The following SLC22A23 variants were observed in gnomAD, a reference collection of about 807,000 sequenced individuals.
The protein encoded by SLC22A23 is solute carrier family 22 member 23.
A neutral mutation model predicts 61.0 loss-of-function variants in SLC22A23; 26 were observed. The observed-to-expected ratio is 0.43, with a 90% CI of 0.31 to 0.59. SLC22A23 has a LOEUF of 0.59. Ranked by LOEUF, SLC22A23 falls within the 20% of genes least tolerant of loss-of-function variation. The probability of loss-of-function intolerance (pLI) is 0.11; values close to 1 mark genes in which losing one functional copy is unlikely to be tolerated. For synonymous variants in SLC22A23, 430 were observed against 413.9 expected, an observed-to-expected ratio of 1.04 and a Z score of -0.47; for missense variants, 796 against 934.7, an observed-to-expected ratio of 0.85 and a Z score of 1.94.
At chr6:3,374,651 G>A (rs1240130506) in intron 3 of SLC22A23, among the ~76,000 whole-genome samples, 1 of 152,174 alleles carries the variant, frequency 6.6e-6, no homozygotes, top group African/African-American at 2.4e-5. Flanking sequence ...TGAAAGTGAG[G>A]ATTTGGGAAG....
At chr6:3,420,925 T>C (rs1770085599) in intron 1 of SLC22A23, among the ~76,000 whole-genome samples, 1 of 151,788 alleles carries the variant, frequency 6.6e-6, no homozygotes, top group Non-Finnish European at 1.5e-5. Flanking sequence ...GCCAATATGG[T>C]GAAATCCTGT....
intron 3 of SLC22A23, among the ~76,000 whole-genome samples, chr6:3,359,708 C>T (rs577161057): frequency 2.2e-4 from 33 of 152,224 alleles, no homozygotes; most frequent in African/African-American, 7.7e-4. Context: ...GGTATAACCC[C>T]CCAAAAGTGA....
rs1377065697 is a variant in SLC22A23 at position 3,301,327 on chromosome 6, TATTATC to T, written c.1083-3115_1083-3110del. Among the ~76,000 whole-genome samples the T allele has an allele frequency of 7.9e-5, 12 of 152,282 alleles. No individual in the cohort carries two copies. The South Asian group carries it at 2.1e-3, about 26-fold the overall frequency. On this transcript the variant is annotated intron_variant, in intron 4 of 9. Coordinates refer to ENST00000406686, the MANE Select transcript of SLC22A23 (RefSeq NM_015482.2). ...CTTAAGACTTCAAAATTCATCTAGA[TATTATC>T]ATTTGAGATACATTTGTGATTTGAT...
chr6:3,358,425 C>T (rs60151720), intron 3 of SLC22A23, among the ~76,000 whole-genome samples: 3,939 of 152,162 alleles, frequency 0.026, 171 homozygotes, highest in African/African-American at 0.09. Context: ...ACGTACGACA[C>T]GTGGATGAAC....
chr6:3,392,386 G>T (rs891311080), intron 3 of SLC22A23, among the ~76,000 whole-genome samples: 36 of 152,206 alleles, frequency 2.4e-4, no homozygotes, highest in African/African-American at 8.7e-4. Context: ...TGTTGTTCTG[G>T]TTTTAAGTGC....
At chr6:3,398,697 C>T (rs1287958382) in intron 3 of SLC22A23, among the ~76,000 whole-genome samples, 1 of 151,842 alleles carries the variant, frequency 6.6e-6, no homozygotes, top group Non-Finnish European at 1.5e-5. Context: ...CCTCAGGCTC[C>T]TTGACGTTGG....
chr6:3,329,439 G>C lies in SLC22A23; in HGVS notation c.914-5437C>G, dbSNP rs1173991999. Among the ~76,000 whole-genome samples the C allele has an allele frequency of 4.6e-5, 7 of 152,202 alleles. No homozygotes were observed. The highest frequency in any genetic ancestry group is 8.8e-5 in the Non-Finnish European group (6 of 68,038). On this transcript the variant is annotated intron_variant, in intron 3 of 9. Transcript: ENST00000406686. This position sits in a 1 kb window ranked among gnomAD's most constrained non-coding sequence, Gnocchi z 4.8. ...GAGAGTACAGGATTTTTCTGGACTG[G>C]AGTTGGCAAGTAACAAAGGAATATA...
At chr6:3,300,440 G>A (rs1178641697) in intron 4 of SLC22A23, among the ~76,000 whole-genome samples, 4 of 152,152 alleles carry the variant, frequency 2.6e-5, no homozygotes, top group Non-Finnish European at 5.9e-5. Flanking sequence ...CTTTAGGGGT[G>A]ATTAAGTCAT....
intron 9 of SLC22A23, among the ~76,000 whole-genome samples, chr6:3,275,383 A>C (rs1758798388): frequency 6.6e-6 from 1 of 152,216 alleles, no homozygotes; most frequent in Non-Finnish European, 1.5e-5. Flanking sequence ...AAACAAGAGA[A>C]AAGCTTTATG....
At chr6:3,340,212 G>A (rs145236227) in intron 3 of SLC22A23, among the ~76,000 whole-genome samples, 1 of 152,258 alleles carries the variant, frequency 6.6e-6, no homozygotes, top group East Asian at 1.9e-4. Context: ...CCAGCTATAC[G>A]AATGACATTG....
intron 1 of SLC22A23, among the ~76,000 whole-genome samples, chr6:3,438,838 A>T (rs1771394886): frequency 6.6e-6 from 1 of 152,216 alleles, no homozygotes; most frequent in South Asian, 2.1e-4. Flanking sequence ...TAACGAGCTC[A>T]GCAAACCCTT....
At chr6:3,277,907 T>C (rs1180039638) in intron 9 of SLC22A23, among the ~76,000 whole-genome samples, 2 of 152,266 alleles carry the variant, frequency 1.3e-5, no homozygotes, top group African/African-American at 4.8e-5. Context: ...TAGCAGACTC[T>C]TGCTAGCTTT....
rs149279922 is a variant in SLC22A23 at position 3,337,544 on chromosome 6, G to A, written c.914-13542C>T. 4.4e-3 allele frequency among the ~76,000 whole-genome samples: 671 copies of A among 151,104 alleles called. 5 individuals carry two copies. The highest frequency in any genetic ancestry group is 0.016 in the African/African-American group (637 of 41,072). ...AACTAATTCATTGACTCCCATAAAC[G>A]CAGTTAGCAAAAGGAAGAGCTAGAT... On this transcript the variant is annotated intron_variant, in intron 3 of 9. Coordinates refer to ENST00000406686, the MANE Select transcript of SLC22A23 (RefSeq NM_015482.2).
intron 9 of SLC22A23, among the ~76,000 whole-genome samples, chr6:3,278,861 C>T (rs920236479): frequency 9.2e-5 from 14 of 152,246 alleles, no homozygotes; most frequent in East Asian, 3.9e-4. Context: ...CTGACCTTCC[C>T]GGCACTAAAT....
In SLC22A23 at chr6:3,317,509, T is replaced by C. The variant is rs1249898091; in HGVS notation, c.1082+6325A>G. ...TTCTTGTGGTTTGGATCTTGCATCT[T>C]CCCCGCCAACCCCTCGTTGTTGGCT... On this transcript the variant is annotated intron_variant, in intron 4 of 9. Coordinates refer to ENST00000406686, the MANE Select transcript of SLC22A23 (RefSeq NM_015482.2). This position sits in a 1 kb window ranked among gnomAD's most constrained non-coding sequence, Gnocchi z 4.4. Among the ~76,000 whole-genome samples the C allele has an allele frequency of 6.6e-6, 1 of 152,156 alleles. No individual in the cohort carries two copies.
rs147139782 is a variant in SLC22A23 at position 3,400,354 on chromosome 6, C to T, written c.913+9834G>A. 7.0e-3 allele frequency among the ~76,000 whole-genome samples: 1,063 copies of T among 152,330 alleles called. 8 individuals carry two copies. Among genetic ancestry groups the T allele is most frequent in the Non-Finnish European group, 0.012 (796 of 68,036 alleles). ...CAGTCCAAAGTTCCCAAGCTTGCTG[C>T]GAGCCCAGAGATTCCCTCACATGAG... is the stretch of plus-strand genomic sequence containing the variant. On this transcript the variant is annotated intron_variant, in intron 3 of 9. Transcript: ENST00000406686.
At chr6:3,282,263 A>G (rs1179167453) in intron 9 of SLC22A23, 1 of 702,490 alleles carries the variant, frequency 1.4e-6, no homozygotes, top group East Asian at 2.7e-5. Flanking sequence ...GGTCGGCCTG[A>G]GGTATCCTGC....
At chr6:3,295,194 C>A (rs1054785572) in intron 5 of SLC22A23, among the ~76,000 whole-genome samples, 1 of 152,220 alleles carries the variant, frequency 6.6e-6, no homozygotes, top group East Asian at 1.9e-4. Context: ...ATAAGGAACC[C>A]TGCAATTACT....
At chr6:3,279,544 C>T (rs1395083937) in intron 9 of SLC22A23, among the ~76,000 whole-genome samples, 1 of 56,054 alleles carries the variant, frequency 1.8e-5, no homozygotes, top group Non-Finnish European at 5.7e-5. Context: ...AAATCCTTGA[C>T]ATCATTCAGT....
Sources: gnomAD v4.1 joint callset for allele counts (sites outside exome capture counted in the v4.1 genomes callset) on GRCh38, gnomAD v4.1.1 for gene constraint, Gnocchi (gnomAD v3.1) non-coding constraint, MANE v1.5 for transcripts, NCBI Gene and HGNC (gene_info 2026-07-23, HGNC 2026-07-21) for gene names.